The following CDH18 variants were observed in gnomAD, a reference collection of about 807,000 sequenced individuals.
The protein encoded by CDH18 is cadherin 18.
CDH18 carries 31 observed loss-of-function variants against 67.9 expected under a neutral mutation model. That is an observed-to-expected ratio of 0.46 (90% CI 0.34 to 0.62). The LOEUF (loss-of-function observed/expected upper bound fraction) is 0.62, where lower values mean the gene tolerates loss of function less well. Ranked by LOEUF, CDH18 falls within the 20% of genes least tolerant of loss-of-function variation. The pLI is 0.01. For missense variants in CDH18, 890 were observed against 975.5 expected (o/e 0.91, Z 1.17); for synonymous variants, 362 against 347.2 (o/e 1.04, Z -0.48).
intron 8 of CDH18, among the ~76,000 whole-genome samples, chr5:19,567,052 G>C (rs926351144): frequency 1.3e-5 from 2 of 152,036 alleles, no homozygotes; most frequent in Admixed American, 6.5e-5. Flanking sequence ...AAGGAGATAG[G>C]GGGTAGAATA....
At chr5:20,191,289 C>A (rs1738517084) in intron 2 of CDH18, among the ~76,000 whole-genome samples, 1 of 152,092 alleles carries the variant, frequency 6.6e-6, no homozygotes, top group African/African-American at 2.4e-5. Flanking sequence ...CTTATCCTAT[C>A]AAAGACCTTT....
chr5:20,549,517 G>A lies in CDH18; in HGVS notation c.-580+25945C>T, dbSNP rs887140615. On this transcript the variant is annotated intron_variant, in intron 1 of 14. Transcript: ENST00000507958. ...TACAGTAGGTTATAGAGGAAAGCAC[G>A]GCCGAAATAACAGAGAATATTATAT... Among the ~76,000 whole-genome samples the A allele has an allele frequency of 5.3e-5, 8 of 152,078 alleles. 1 individual carries two copies. The highest frequency in any genetic ancestry group is 4.1e-4 in the South Asian group (2 of 4,826).
intron 3 of CDH18, among the ~76,000 whole-genome samples, chr5:19,816,042 A>C (rs1159666019): frequency 1.3e-5 from 2 of 151,942 alleles, no homozygotes; most frequent in Admixed American, 6.6e-5. Context: ...TACAGTGAAG[A>C]TAGAGAACGT....
intron 2 of CDH18, among the ~76,000 whole-genome samples, chr5:20,168,731 A>G (rs1320428885): frequency 6.6e-6 from 1 of 152,176 alleles, no homozygotes; most frequent in African/African-American, 2.4e-5. Context: ...TAAGATTTGG[A>G]AGCAACCTAA....
At chr5:19,592,946 A>C (rs1213206368) in intron 6 of CDH18, among the ~76,000 whole-genome samples, 1 of 151,956 alleles carries the variant, frequency 6.6e-6, no homozygotes, top group African/African-American at 2.4e-5. Flanking sequence ...TGACTGGTTG[A>C]TTTAATTCAG....
intron 1 of CDH18, among the ~76,000 whole-genome samples, chr5:20,395,657 C>T (rs1424351229): frequency 6.6e-6 from 1 of 152,058 alleles, no homozygotes; most frequent in South Asian, 2.1e-4. Flanking sequence ...TGTCCCAAAA[C>T]CCTTGGAATC....
At chr5:19,584,793 CAAAA>C (rs61297842) in intron 7 of CDH18, among the ~76,000 whole-genome samples, 20 of 75,092 alleles carry the variant, frequency 2.7e-4, no homozygotes, top group East Asian at 8.6e-4. Context: ...ACTAAAAATA[CAAAA>C]AAAAAAAAAA....
intron 1 of CDH18, among the ~76,000 whole-genome samples, chr5:20,323,803 C>A (rs1334276555): frequency 1.3e-5 from 2 of 152,082 alleles, no homozygotes; most frequent in Admixed American, 6.6e-5. Flanking sequence ...TTTTTAAGCA[C>A]CAGAGACATT....
intron 5 of CDH18, among the ~76,000 whole-genome samples, chr5:19,645,512 A>C (rs186219771): frequency 1.2e-4 from 19 of 152,324 alleles, no homozygotes; most frequent in Admixed American, 1.2e-3. Context: ...TTCTGCATGA[A>C]GCATTGGGTG....
At chr5:20,454,762 T>C (rs939735436) in intron 1 of CDH18, among the ~76,000 whole-genome samples, 2 of 152,060 alleles carry the variant, frequency 1.3e-5, no homozygotes, top group Admixed American at 1.3e-4. Flanking sequence ...TGTGCACACA[T>C]GGGAGCAATG....
At chr5:19,568,800 C>A (rs1740872258) in intron 8 of CDH18, among the ~76,000 whole-genome samples, 1 of 149,488 alleles carries the variant, frequency 6.7e-6, no homozygotes, top group South Asian at 2.1e-4. Flanking sequence ...TTTGTTTATA[C>A]CACACAGTCG....
chr5:19,997,799 C>T (rs1736130328), intron 2 of CDH18, among the ~76,000 whole-genome samples: 1 of 152,082 alleles, frequency 6.6e-6, no homozygotes, highest in Non-Finnish European at 1.5e-5. Context: ...CACCATAATG[C>T]AATACTATCA....
chr5:20,092,501 G>C (rs1397094000), intron 2 of CDH18, among the ~76,000 whole-genome samples: 1 of 152,120 alleles, frequency 6.6e-6, no homozygotes, highest in Non-Finnish European at 1.5e-5. Context: ...AATTCTAAAA[G>C]TAATTGTAAG....
chr5:20,178,563 GTAAA>G (rs1737423761), intron 2 of CDH18, among the ~76,000 whole-genome samples: 1 of 149,166 alleles, frequency 6.7e-6, no homozygotes, highest in Non-Finnish European at 1.5e-5. Context: ...AATAATTAGT[GTAAA>G]TAGAGTTTCT....
chr5:19,805,917 CCAAA>C (rs1777987227), intron 3 of CDH18, among the ~76,000 whole-genome samples: 1 of 152,178 alleles, frequency 6.6e-6, no homozygotes, highest in South Asian at 2.1e-4. Flanking sequence ...CAGTGGATTC[CCAAA>C]CACTTATGGA....
At chr5:19,666,040 C>G (rs1469938731) in intron 5 of CDH18, among the ~76,000 whole-genome samples, 2 of 151,714 alleles carry the variant, frequency 1.3e-5, no homozygotes, top group Non-Finnish European at 2.9e-5. Flanking sequence ...GAACAAGACA[C>G]AAGTATTATT....
chr5:19,660,904 T>C (rs1561561432), intron 5 of CDH18, among the ~76,000 whole-genome samples: 1 of 151,950 alleles, frequency 6.6e-6, no homozygotes, highest in Non-Finnish European at 1.5e-5. Flanking sequence ...AGAGATGGGA[T>C]TGTTTCAAGC....
Position 20,078,689 on chromosome 5 carries a change from G to A in CDH18, c.-517-86675C>T, listed in dbSNP as rs760522767. 5.7e-4 allele frequency among the ~76,000 whole-genome samples: 86 copies of A among 151,606 alleles called. 1 individual carries two copies. The highest frequency in any genetic ancestry group is 3.1e-4 in the African/African-American group (13 of 41,294). ...ACCATCTTGGCTCACTGCAATCCCC[G>A]CCTCCTGGGTTCAAGCGATTTTCCT... On this transcript the variant is annotated intron_variant, in intron 2 of 14. Transcript: ENST00000507958.
intron 11 of CDH18, among the ~76,000 whole-genome samples, chr5:19,490,042 T>C (rs1422072646): frequency 4.6e-5 from 7 of 152,016 alleles, no homozygotes; most frequent in African/African-American, 1.7e-4. Context: ...CCGTTATTTA[T>C]CACAAACCTT....
Sources: allele counts gnomAD v4.1 joint callset (sites outside exome capture counted in the v4.1 genomes callset), GRCh38; gene constraint gnomAD v4.1.1; transcripts MANE v1.5; gene names NCBI Gene and HGNC (gene_info 2026-07-23, HGNC 2026-07-21).